Variants in ZNF318 observed in about 807,000 individuals in gnomAD.
The protein encoded by ZNF318 is zinc finger protein 318, also known as endocrine regulator.
In ZNF318, 51 loss-of-function variants were observed where a neutral mutation model predicts 124.2. The ratio of observed to expected loss-of-function variants is 0.41; its 90% CI spans 0.33 to 0.52. The LOEUF is 0.52. ZNF318 is among the 20% of genes least tolerant of loss of function. The pLI is 0.23. For synonymous variants in ZNF318, 1,090 were observed against 1,040.7 expected, an observed-to-expected ratio of 1.05 and a Z score of -0.91; for missense variants, 2,815 against 2,811.2, an observed-to-expected ratio of 1.00 and a Z score of -0.03.
intron 2 of ZNF318, among the ~76,000 whole-genome samples, chr6:43,358,348 C>T (rs146518148): frequency 0.01 from 1,552 of 151,332 alleles, 29 homozygotes; most frequent in African/African-American, 0.036. Context: ...CTCAGGTTCA[C>T]GCCATTCTCC....
Position 43,337,196 on chromosome 6 carries a change from C to T in ZNF318, c.6802G>A (p.Ala2268Thr), listed in dbSNP as rs753417070. The change falls in exon 10 of 10, where the codon GCC (alanine) becomes ACC (threonine). Residue 2268 changes from alanine (A) to threonine (T), a missense_variant. Around this residue, in one of 4 missense-constraint regions of ZNF318, gnomAD observed 927 missense variants for 820.6 expected, o/e 1.13. Coordinates refer to ENST00000361428, the MANE Select transcript of ZNF318 (RefSeq NM_014345.3). ...GMPEQETTVG[A>T]IQDHTESSVH... ...CTGGATTCTGTGTGGTCCTGGATGG[C>T]ACCAACTGTAGTTTCCTGTTCAGGC... 46 of 1,612,032 alleles carry T rather than the reference C, an allele frequency of 2.9e-5. No individual in the cohort carries two copies. The Admixed American group carries it at 3.0e-4, about 11-fold the overall frequency.
chr6:43,339,426 C>T lies in ZNF318; in HGVS notation c.4572G>A (p.Glu1524=). 1.2e-6 allele frequency: 2 copies of T among 1,614,028 alleles called. No individual in the cohort carries two copies. The highest frequency in any genetic ancestry group is 1.1e-5 in the South Asian group (1 of 91,074). Residue 1524 remains glutamate (E), a synonymous_variant, in exon 10 of 10, where the codon GAG becomes GAA. Transcript: ENST00000361428. This position sits in a 1 kb window ranked among gnomAD's most constrained non-coding sequence, Gnocchi z 4.2. ...PSDETAPGVS[E]SDRDQTLFSV... The stretch of plus-strand genomic sequence containing the variant: ...AGAACAGGGTCTGGTCTCGGTCACT[C>T]TCACTCACCCCAGGAGCTGTCTCAT...
chr6:43,352,186 C>CTATTATTGCAACTTTTTTGTAAGTTT (rs1562132296), intron 5 of ZNF318, among the ~76,000 whole-genome samples, 191 bp downstream of exon 5: 27 of 99,972 alleles, frequency 2.7e-4, no homozygotes, highest in South Asian at 1.0e-3. Flanking sequence ...ATCATCATCA[C>CTATTATTGCAACTTTTTTGTAAGTTT]CACCACCATC....
chr6:43,337,494 G>C lies in ZNF318; in HGVS notation c.6504C>G (p.Cys2168Trp). Residue 2168 changes from cysteine to tryptophan, a missense_variant, in exon 10 of 10, where the codon TGC becomes TGG. Cys to Trp is a radical substitution (Grantham distance 215). This residue lies in a region of ZNF318 where 927 missense variants were observed against 820.6 expected (regional missense o/e 1.13). Transcript: ENST00000361428. ...TGACAAAGTCAACAAGGTCTGGAAGGCAAGGAGATGGCCCAAGGCCTGCAG... is the reference window on the plus strand; with the variant it reads ...TGACAAAGTCAACAAGGTCTGGAAGCCAAGGAGATGGCCCAAGGCCTGCAG... ...INSAGLGPSP[C>W]LPDLVDFVTR... is the part of the protein sequence containing the mutation. The C allele has an allele frequency of 6.2e-7, 1 of 1,614,186 alleles. No homozygotes were observed. The highest frequency in any genetic ancestry group is 8.5e-7 in the Non-Finnish European group (1 of 1,180,030).
Position 43,357,526 on chromosome 6 carries a change from C to G in ZNF318, c.788G>C (p.Arg263Pro), listed in dbSNP as rs759697758. The G allele has an allele frequency of 1.2e-6, 2 of 1,613,990 alleles. No individual in the cohort carries two copies. The highest frequency in any genetic ancestry group is 2.2e-5 in the East Asian group (1 of 44,894). Reference sequence around the variant, plus strand: ...GGCCTCCCGGCTCCTTTCTTCAGATCGTATGGAGTAGCCTTTGAGTTTTTC... The same window carrying G: ...GGCCTCCCGGCTCCTTTCTTCAGATGGTATGGAGTAGCCTTTGAGTTTTTC... ...NREKLKGYSI[R>P]SEERSREAKR... Residue 263 changes from arginine (R) to proline (P), a missense_variant, in exon 3 of 10, where the codon CGA becomes CCA. Coordinates refer to ENST00000361428, the MANE Select transcript of ZNF318 (RefSeq NM_014345.3).
intron 6 of ZNF318, 95 bp from the exon 7 acceptor site, chr6:43,342,974 G>C: frequency 3.2e-4 from 271 of 839,582 alleles, no homozygotes; most frequent in Middle Eastern, 6.5e-4. Flanking sequence ...TAGAAATAGG[G>C]CCATATGACC....
intron 1 of ZNF318, among the ~76,000 whole-genome samples, chr6:43,365,899 A>C (rs1472161254): frequency 6.6e-6 from 1 of 152,246 alleles, no homozygotes; most frequent in Non-Finnish European, 1.5e-5. Flanking sequence ...TAGAGATATA[A>C]GCCCATACCT....
At chr6:43,362,186 G>A (rs1424622452) in intron 2 of ZNF318, among the ~76,000 whole-genome samples, 2 of 151,988 alleles carry the variant, frequency 1.3e-5, no homozygotes, top group Non-Finnish European at 2.9e-5. Flanking sequence ...AAGGGGCCAG[G>A]CGCGGTGGCT....
chr6:43,355,785 A>G lies in ZNF318; in HGVS notation c.1549T>C (p.Ser517Pro), dbSNP rs145497658. Residue 517 changes from serine to proline, a missense_variant, in exon 4 of 10, where the codon TCT becomes CCT. Physicochemically the swap from Ser to Pro is moderately conservative, Grantham distance 74. Coordinates refer to ENST00000361428, the MANE Select transcript of ZNF318 (RefSeq NM_014345.3). ...CGCCTTTTTTCCTGTGTACTGGTAG[A>G]ATCAGCCAACATGCTCAGAATGCGG... The part of the protein sequence containing the change: ...FSRILSMLAD[S>P]TSTQEKRRRS... 1 of 1,614,228 alleles carries G rather than the reference A, an allele frequency of 6.2e-7. No individual in the cohort carries two copies.
chr6:43,358,110 A>G (rs1779636230), intron 2 of ZNF318, among the ~76,000 whole-genome samples: 1 of 152,214 alleles, frequency 6.6e-6, no homozygotes, highest in Non-Finnish European at 1.5e-5. Flanking sequence ...CATTAGCATT[A>G]CCTGGGAACT....
chr6:43,351,763 A>C (rs1779526791), intron 5 of ZNF318, among the ~76,000 whole-genome samples: 1 of 151,670 alleles, frequency 6.6e-6, no homozygotes, highest in African/African-American at 2.4e-5. Context: ...TCCATCTCAA[A>C]AAAAAAAAAA....
chr6:43,351,320 G>GT (rs1184879039), intron 5 of ZNF318, among the ~76,000 whole-genome samples: 8 of 152,198 alleles, frequency 5.3e-5, no homozygotes, highest in Admixed American at 5.2e-4. Flanking sequence ...TGAAATATGA[G>GT]TAAGAATGGT....
chr6:43,352,798 A>G (rs1434349712), intron 4 of ZNF318, among the ~76,000 whole-genome samples: 1 of 152,244 alleles, frequency 6.6e-6, no homozygotes, highest in Non-Finnish European at 1.5e-5. Context: ...TGTTATAGGT[A>G]AGGGACATAT....
chr6:43,355,188 C>T lies in ZNF318; in HGVS notation c.2146G>A (p.Asp716Asn). 1 of 1,614,170 alleles carries T rather than the reference C, an allele frequency of 6.2e-7. No individual in the cohort carries two copies. The highest frequency in any genetic ancestry group is 8.5e-7 in the Non-Finnish European group (1 of 1,180,040). Residue 716 changes from aspartate to asparagine, a missense_variant, in exon 4 of 10, where the codon GAC becomes AAC. This residue lies in a region of ZNF318 where 1,377 missense variants were observed against 1,353.5 expected (regional missense o/e 1.02). Coordinates refer to ENST00000361428, the MANE Select transcript of ZNF318 (RefSeq NM_014345.3). ...TKNSPPFLKS[D>N]HPVGHISGPE... ...CCTGAAATATGACCCACTGGATGGT[C>T]AGACTTTAGGAATGGAGGGCTGTTT...
rs1307749089 is a variant in ZNF318 at position 43,355,004 on chromosome 6, T to G, written c.2330A>C (p.Asn777Thr). Reference sequence around the variant, plus strand: ...AGGGGGAATGGCAGGTCCCTGGTAGTTCGGAGGTATCCGAGCTGCAGCAAA... The same window carrying G: ...AGGGGGAATGGCAGGTCCCTGGTAGGTCGGAGGTATCCGAGCTGCAGCAAA... ...SQFAAARIPP[N>T]YQGPAIPPAS... The change falls in exon 4 of 10, where the codon AAC (asparagine) becomes ACC (threonine). Residue 777 changes from asparagine to threonine, a missense_variant. Asn to Thr is a moderately conservative substitution (Grantham distance 65). Coordinates refer to ENST00000361428, the MANE Select transcript of ZNF318 (RefSeq NM_014345.3). The G allele has an allele frequency of 6.2e-7, 1 of 1,611,946 alleles. No individual in the cohort carries two copies. The highest frequency in any genetic ancestry group is 8.5e-7 in the Non-Finnish European group (1 of 1,178,786).
chr6:43,346,456 G>C (rs909242375), intron 6 of ZNF318, among the ~76,000 whole-genome samples: 5 of 150,204 alleles, frequency 3.3e-5, no homozygotes, highest in African/African-American at 1.2e-4. Flanking sequence ...ACTCCAGTCT[G>C]GGTGACAGAG....
chr6:43,342,676 CT>C lies in ZNF318; in HGVS notation c.3275del (p.Gln1092ArgfsTer23). ...FTHMHNKKHT[Q>X]TLDPYNRPWA... ...AAATAACAGAGAGTAGGATACCAAC[CT>C]GTGTGTGCTTCTTATTGTGCATATG... On this transcript the variant is annotated frameshift_variant and splice_region_variant, in exon 7 of 10. Transcript: ENST00000361428. LOFTEE classifies it high-confidence loss of function. 1 of 1,614,012 alleles carries C rather than the reference CT, an allele frequency of 6.2e-7. No homozygotes were observed. The highest frequency in any genetic ancestry group is 8.5e-7 in the Non-Finnish European group (1 of 1,179,946).
In ZNF318 at chr6:43,355,314, G is replaced by A. The variant is rs1779588221; in HGVS notation, c.2020C>T (p.His674Tyr). The A allele has an allele frequency of 6.2e-7, 1 of 1,614,210 alleles. No homozygotes were observed. The highest frequency in any genetic ancestry group is 8.5e-7 in the Non-Finnish European group (1 of 1,180,048). The change falls in exon 4 of 10, where the codon CAC becomes TAC. Residue 674 changes from histidine to tyrosine, a missense_variant. Coordinates refer to ENST00000361428, the MANE Select transcript of ZNF318 (RefSeq NM_014345.3). ...TGTGCCTCCCTGCTCTCTAGTCTGT[G>A]GGGATCTGAGGAACGTCGATCAGCT... ...FSADRRSSDP[H>Y]RLESREAHHS...
At chr6:43,367,545 G>A (rs1420225895) in intron 1 of ZNF318, among the ~76,000 whole-genome samples, 2 of 152,158 alleles carry the variant, frequency 1.3e-5, no homozygotes, top group African/African-American at 2.4e-5. Flanking sequence ...TAAAGCTAAC[G>A]GGTTAGACAG....
Sources: gnomAD v4.1 joint callset for allele counts (sites outside exome capture counted in the v4.1 genomes callset) on GRCh38, gnomAD v4.1.1 for gene constraint, gnomAD v4.1.1 regional missense constraint, Gnocchi (gnomAD v3.1) non-coding constraint, MANE v1.5 for transcripts, NCBI Gene and HGNC (gene_info 2026-07-23, HGNC 2026-07-21) for gene names.